The following DYM variants were observed in gnomAD, a reference collection of about 807,000 sequenced individuals.
DYM encodes dyggve-Melchior-Clausen syndrome protein.
In DYM, 78 loss-of-function variants were observed where a neutral mutation model predicts 93.1. The observed-to-expected ratio is 0.84, with a 90% CI of 0.70 to 1.01. DYM has a LOEUF of 1.01. DYM is among the 50% of genes least tolerant of loss of function. DYM has a pLI of 0.00. For missense variants in DYM, 789 were observed against 845.0 expected, an observed-to-expected ratio of 0.93 and a Z score of 0.82; for synonymous variants, 321 against 319.7, an observed-to-expected ratio of 1.00 and a Z score of -0.04.
chr18:49,214,273 C>T (rs544874137), intron 13 of DYM, among the ~76,000 whole-genome samples: 1 of 152,324 alleles, frequency 6.6e-6, no homozygotes, highest in South Asian at 2.1e-4. Context: ...GCATTACCAC[C>T]TGAGCTCCGC....
intron 8 of DYM, among the ~76,000 whole-genome samples, chr18:49,298,624 A>G (rs539763830): frequency 2.0e-5 from 3 of 152,216 alleles, no homozygotes; most frequent in East Asian, 1.9e-4. Flanking sequence ...CTGACTTATA[A>G]TCTGGCATAA....
chr18:49,312,392 T>A (rs2061651885), intron 8 of DYM, among the ~76,000 whole-genome samples: 1 of 152,186 alleles, frequency 6.6e-6, no homozygotes. Flanking sequence ...CTTTCCTAAT[T>A]GGTTTTCTAC....
At chr18:49,098,513 A>G (rs943264317) in intron 16 of DYM, among the ~76,000 whole-genome samples, 1 of 152,260 alleles carries the variant, frequency 6.6e-6, no homozygotes, top group African/African-American at 2.4e-5. Context: ...AAAGAGACTT[A>G]GCTGGCGCCA....
intron 13 of DYM, among the ~76,000 whole-genome samples, chr18:49,249,419 G>C (rs1465817458): frequency 6.6e-6 from 1 of 152,010 alleles, no homozygotes; most frequent in East Asian, 1.9e-4. Flanking sequence ...CCAACAAATA[G>C]GTCAATTTGC....
intron 8 of DYM, among the ~76,000 whole-genome samples, chr18:49,322,779 T>C (rs563884337): frequency 9.2e-5 from 14 of 152,296 alleles, no homozygotes; most frequent in African/African-American, 2.9e-4. Context: ...TACCAGGTAA[T>C]AATATCTGAT....
At chr18:49,338,310 T>C (rs909904446) in intron 6 of DYM, among the ~76,000 whole-genome samples, 3 of 152,202 alleles carry the variant, frequency 2.0e-5, no homozygotes, top group African/African-American at 7.2e-5. Flanking sequence ...GTGGATGATC[T>C]GAACAGAATG....
At chr18:49,182,884 G>A (rs1157700865) in intron 14 of DYM, among the ~76,000 whole-genome samples, 1 of 152,092 alleles carries the variant, frequency 6.6e-6, no homozygotes, top group Non-Finnish European at 1.5e-5. Context: ...TACTGTGTCT[G>A]TTTTGGTTGT....
intron 13 of DYM, among the ~76,000 whole-genome samples, chr18:49,219,996 T>C (rs2144004597): frequency 6.6e-6 from 1 of 151,150 alleles, no homozygotes; most frequent in South Asian, 2.1e-4. Flanking sequence ...ATTGTATATC[T>C]AGAAAACCCC....
chr18:49,359,661 A>G (rs2065855798), intron 6 of DYM: 1 of 152,222 alleles, frequency 6.6e-6, no homozygotes, highest in Admixed American at 6.5e-5. Context: ...ATATTAACAG[A>G]ATGATTTTAA....
chr18:49,149,041 A>T (rs73441548), intron 15 of DYM, among the ~76,000 whole-genome samples: 17,944 of 152,138 alleles, frequency 0.12, 1,258 homozygotes, highest in East Asian at 0.29. Flanking sequence ...AACTAGACAG[A>T]CCTATCTGCG....
intron 14 of DYM, among the ~76,000 whole-genome samples, chr18:49,202,956 G>T (rs1290304718): frequency 7.9e-6 from 1 of 126,830 alleles, no homozygotes; most frequent in African/African-American, 2.9e-5. Flanking sequence ...GGGAGGTGAG[G>T]GGTCAGCCCC....
At chr18:49,348,900 T>C (rs1599595090) in intron 6 of DYM, among the ~76,000 whole-genome samples, 4 of 92,406 alleles carry the variant, frequency 4.3e-5, no homozygotes, top group African/African-American at 7.6e-5. Context: ...AGAGTGAGAC[T>C]CCTCACCAAA....
At chr18:49,302,725 C>T (rs1285165234) in intron 8 of DYM, among the ~76,000 whole-genome samples, 2 of 152,010 alleles carry the variant, frequency 1.3e-5, no homozygotes, top group African/African-American at 2.4e-5. Flanking sequence ...TTTTATTCAC[C>T]CAATTTTACC....
chr18:49,058,326 T>A (rs1427669224), intron 17 of DYM, among the ~76,000 whole-genome samples: 1 of 151,720 alleles, frequency 6.6e-6, no homozygotes, highest in Non-Finnish European at 1.5e-5. Flanking sequence ...TTCTTTTTTT[T>A]TTTTTTCCTC....
At chr18:49,267,441 A>T (rs2094589280) in intron 11 of DYM, among the ~76,000 whole-genome samples, 2 of 152,224 alleles carry the variant, frequency 1.3e-5, no homozygotes, top group African/African-American at 4.8e-5. Flanking sequence ...TATAATTCAC[A>T]TTAACAAACT....
chr18:49,456,293 A>G (rs1297241660), intron 1 of DYM, among the ~76,000 whole-genome samples: 1 of 152,222 alleles, frequency 6.6e-6, no homozygotes, highest in Non-Finnish European at 1.5e-5. Flanking sequence ...AAAAGAAACA[A>G]ACTAGTCATA....
chr18:49,216,844 T>C (rs1020970307), intron 13 of DYM, among the ~76,000 whole-genome samples: 2 of 151,834 alleles, frequency 1.3e-5, no homozygotes, highest in African/African-American at 2.4e-5. Context: ...AAAAGCAGAG[T>C]GCCTCTCCTC....
At chr18:49,399,390 T>A (rs1485001031) in intron 2 of DYM, among the ~76,000 whole-genome samples, 1 of 152,170 alleles carries the variant, frequency 6.6e-6, no homozygotes, top group African/African-American at 2.4e-5. Context: ...CACAGGGGAA[T>A]GGCAAACTAC....
intron 1 of DYM, among the ~76,000 whole-genome samples, chr18:49,442,726 T>A (rs2049209030): frequency 6.6e-6 from 1 of 152,174 alleles, no homozygotes; most frequent in African/African-American, 2.4e-5. Flanking sequence ...CTTAACTGTT[T>A]CACATATACT....
Sources: allele counts gnomAD v4.1 joint callset (sites outside exome capture counted in the v4.1 genomes callset), GRCh38; gene constraint gnomAD v4.1.1; transcripts MANE v1.5; gene names NCBI Gene and HGNC (gene_info 2026-07-23, HGNC 2026-07-21).